SP140L: variants seen among roughly 807,000 people sequenced by gnomAD.
SP140L encodes the protein nuclear body protein SP140-like protein.
SP140L carries 64 observed loss-of-function variants against 84.3 expected under a neutral mutation model. The observed-to-expected ratio is 0.76, with a 90% CI of 0.62 to 0.94. The LOEUF is 0.94. SP140L is among the 40% of genes least tolerant of loss of function. The pLI, the probability that SP140L is intolerant of heterozygous loss-of-function variation, is 0.00. For synonymous variants in SP140L, 242 were observed against 236.9 expected, an observed-to-expected ratio of 1.02 and a Z score of -0.20; for missense variants, 628 against 692.5, an observed-to-expected ratio of 0.91 and a Z score of 1.05.
chr2:230,374,493 A>T (rs12470112), intron 7 of SP140L, among the ~76,000 whole-genome samples: 1 of 152,058 alleles, frequency 6.6e-6, no homozygotes, highest in Non-Finnish European at 1.5e-5. Context: ...CAAAGGATTT[A>T]GAATATATTA....
At chr2:230,337,785 G>T (rs2059921022) in intron 2 of SP140L, among the ~76,000 whole-genome samples, 1 of 152,026 alleles carries the variant, frequency 6.6e-6, no homozygotes. Flanking sequence ...TCTCAGGTTT[G>T]TCAAAGATCA....
chr2:230,366,967 A>G (rs1053207160), intron 5 of SP140L, among the ~76,000 whole-genome samples: 1 of 151,888 alleles, frequency 6.6e-6, no homozygotes. Flanking sequence ...TCCTGAGGCA[A>G]TCTGTCCACC....
intron 2 of SP140L, among the ~76,000 whole-genome samples, chr2:230,354,620 A>T (rs994394319): frequency 1.2e-4 from 18 of 151,918 alleles, no homozygotes; most frequent in African/African-American, 4.4e-4. Flanking sequence ...ATAAAAATAA[A>T]ATAAAAAATT....
chr2:230,371,586 G>C lies in SP140L; in HGVS notation c.584-12G>C. The C allele has an allele frequency of 6.3e-7, 1 of 1,590,902 alleles. No homozygotes were observed. The highest frequency in any genetic ancestry group is 2.2e-5 in the East Asian group (1 of 44,684). On this transcript the variant is annotated splice_polypyrimidine_tract_variant and intron_variant, in intron 6 of 18. Coordinates refer to ENST00000415673, the MANE Select transcript of SP140L (RefSeq NM_138402.6). ...AATTTCTGTTTCCTCACTACCACTT[G>C]TTATTTTCTAGATACTGTGGATATT...
At chr2:230,352,072 A>G (rs967114906) in intron 2 of SP140L, among the ~76,000 whole-genome samples, 1 of 152,138 alleles carries the variant, frequency 6.6e-6, no homozygotes, top group Non-Finnish European at 1.5e-5. Flanking sequence ...ATCTCCATTT[A>G]TTTAGATCTT....
chr2:230,400,096 C>A, intron 14 of SP140L, 31 bp from the exon 15 acceptor site: 5 of 1,611,338 alleles, frequency 3.1e-6, no homozygotes, highest in Non-Finnish European at 3.4e-6. Context: ...CTTGTGATTC[C>A]CAGTGACGTG....
chr2:230,398,766 C>G (rs1250624174), intron 14 of SP140L, among the ~76,000 whole-genome samples: 1 of 152,248 alleles, frequency 6.6e-6, no homozygotes, highest in Non-Finnish European at 1.5e-5. Flanking sequence ...CCTGTAGGCA[C>G]TCCACATAGG....
intron 7 of SP140L, among the ~76,000 whole-genome samples, chr2:230,376,018 CT>C (rs1332248271): frequency 3.3e-5 from 5 of 152,038 alleles, no homozygotes. Context: ...CTGTTTTCTT[CT>C]TTGAATTTTA....
intron 2 of SP140L, among the ~76,000 whole-genome samples, chr2:230,347,014 AG>A (rs1483692080): frequency 2.0e-5 from 3 of 152,146 alleles, no homozygotes; most frequent in African/African-American, 7.2e-5. Flanking sequence ...CAACCTTTAT[AG>A]GTTTGCTTTG....
At chr2:230,366,381 T>A (rs2060870368) in intron 5 of SP140L, among the ~76,000 whole-genome samples, 1 of 151,896 alleles carries the variant, frequency 6.6e-6, no homozygotes, top group African/African-American at 2.4e-5. Flanking sequence ...AATGATCTTC[T>A]TTGTCTTGTT....
At chr2:230,363,785 G>C (rs2060792781) in intron 5 of SP140L, among the ~76,000 whole-genome samples, 1 of 151,976 alleles carries the variant, frequency 6.6e-6, no homozygotes, top group Non-Finnish European at 1.5e-5. Flanking sequence ...TTTTCTTCCA[G>C]TAATTTTGCA....
intron 5 of SP140L, among the ~76,000 whole-genome samples, chr2:230,362,239 G>A (rs2060742155): frequency 6.6e-6 from 1 of 152,136 alleles, no homozygotes; most frequent in East Asian, 1.9e-4. Flanking sequence ...CATAAACTCA[G>A]GTTTGGTTGA....
At chr2:230,357,697 A>G in intron 2 of SP140L, 108 bp from the exon 3 acceptor site, 1 of 1,096,724 alleles carries the variant, frequency 9.1e-7, no homozygotes, top group South Asian at 1.6e-5. Flanking sequence ...CACCTATTTT[A>G]TATATGTTGG....
chr2:230,337,212 T>A (rs939482221), intron 2 of SP140L, among the ~76,000 whole-genome samples: 2 of 151,988 alleles, frequency 1.3e-5, no homozygotes, highest in African/African-American at 4.8e-5. Context: ...GGTATCTCAT[T>A]GTGGTTTTGA....
intron 2 of SP140L, among the ~76,000 whole-genome samples, chr2:230,333,410 G>A (rs566054075): frequency 2.0e-5 from 3 of 151,936 alleles, no homozygotes; most frequent in East Asian, 1.9e-4. Flanking sequence ...CACTCGCTTC[G>A]GCCTCCCAAA....
chr2:230,346,493 TC>T (rs1274051270), intron 2 of SP140L, among the ~76,000 whole-genome samples: 4 of 152,196 alleles, frequency 2.6e-5, no homozygotes, highest in African/African-American at 9.6e-5. Flanking sequence ...CTTTCTCTCT[TC>T]TTCTGTAATT....
rs751700264 is a variant in SP140L at position 230,393,515 on chromosome 2, TACA to T, written c.1155+58_1155+60del. ...CTTGTCACACAACAGATTTAACATG[TACA>T]ACATCTTATTTTATGGAGTCTCCAA... On this transcript the variant is annotated intron_variant, in intron 13 of 18. Transcript: ENST00000415673. The T allele has an allele frequency of 1.8e-4, 262 of 1,494,316 alleles. 2 individuals carry two copies. The highest frequency in any genetic ancestry group is 6.6e-4 in the Admixed American group (26 of 39,358). 92.6% of individuals were successfully genotyped at this position (1,494,316 alleles called of 1,614,324 possible).
chr2:230,379,793 A>G (rs565263392), intron 7 of SP140L, among the ~76,000 whole-genome samples: 2 of 152,322 alleles, frequency 1.3e-5, no homozygotes, highest in East Asian at 3.9e-4. Context: ...TCTGGAATCT[A>G]TGGTATGGCT....
intron 7 of SP140L, 143 bp downstream of exon 7, chr2:230,371,794 C>A: frequency 1.4e-6 from 1 of 721,214 alleles, no homozygotes; most frequent in Non-Finnish European, 2.4e-6. Flanking sequence ...AAAAAACGTC[C>A]ACCTCCTAAT....
Sources: gnomAD v4.1 joint callset for allele counts (sites outside exome capture counted in the v4.1 genomes callset) on GRCh38, gnomAD v4.1.1 for gene constraint, MANE v1.5 for transcripts, NCBI Gene and HGNC (gene_info 2026-07-23, HGNC 2026-07-21) for gene names.